MEMO1: variants seen among roughly 807,000 people sequenced by gnomAD.
MEMO1 encodes mediator of cell motility 1, also known as protein MEMO1.
A neutral mutation model predicts 45.2 loss-of-function variants in MEMO1; 6 were observed. The ratio of observed to expected loss-of-function variants is 0.13; its 90% confidence interval spans 0.07 to 0.26. MEMO1 has a LOEUF of 0.26. Ranked by LOEUF, MEMO1 falls within the 10% of genes least tolerant of loss-of-function variation. MEMO1 has a pLI of 1.00. For synonymous variants in MEMO1, 78 were observed against 124.3 expected, an observed-to-expected ratio of 0.63 and a Z score of 2.48; for missense variants, 184 against 370.5, an observed-to-expected ratio of 0.50 and a Z score of 4.13.
intron 2 of MEMO1, among the ~76,000 whole-genome samples, chr2:31,969,574 GGTGTGTGTGTGGGT>G (rs1341187846): frequency 8.1e-5 from 9 of 110,706 alleles, no homozygotes; most frequent in African/African-American, 1.5e-4. Context: ...CTTTTCTGGG[GGTGTGTGTGTGGGT>G]GTGTGTGTGT....
Position 31,974,160 on chromosome 2 carries a change from T to C in MEMO1, c.62-30777A>G, listed in dbSNP as rs17011725. On this transcript the variant is annotated intron_variant, in intron 2 of 9. Coordinates refer to ENST00000404530, the MANE Select transcript of MEMO1 (RefSeq NM_001301833.4). ...ATGGATATTCACAAAACATGCTAAC[T>C]TCCTCTGTAATACAAAAATAGGGGC... is the stretch of plus-strand genomic sequence containing the variant. 9.1e-3 allele frequency among the ~76,000 whole-genome samples: 1,299 copies of C among 142,368 alleles called. 20 individuals are homozygous for C. The highest frequency in any genetic ancestry group is 0.031 in the African/African-American group (1,240 of 40,102). The allele number at this position is 142,368 out of a possible 152,430, so 93.4% of individuals were successfully genotyped here.
At chr2:31,976,016 G>A (rs1203825846) in intron 2 of MEMO1, among the ~76,000 whole-genome samples, 7 of 152,036 alleles carry the variant, frequency 4.6e-5, no homozygotes, top group African/African-American at 2.4e-5. Context: ...TCAGCCTCCC[G>A]AGTAGCTGGG....
intron 2 of MEMO1, among the ~76,000 whole-genome samples, chr2:31,955,357 C>T (rs1667294009): frequency 6.6e-6 from 1 of 152,118 alleles, no homozygotes; most frequent in Admixed American, 6.6e-5. Context: ...TATAAATTAG[C>T]AATAAATAAA....
intron 2 of MEMO1, among the ~76,000 whole-genome samples, chr2:31,996,163 A>AAGGGAGAGAGAGGGAGAGGAG (rs2148571235): frequency 6.6e-6 from 1 of 151,064 alleles, no homozygotes; most frequent in Non-Finnish European, 1.5e-5. Context: ...CGGAGGGAGG[A>AAGGGAGAGAGAGGGAGAGGAG]AGGGAGAGAG....
intron 6 of MEMO1, among the ~76,000 whole-genome samples, chr2:31,908,339 T>C (rs150644737): frequency 6.6e-6 from 1 of 152,248 alleles, no homozygotes; most frequent in East Asian, 1.9e-4. Flanking sequence ...TTCAGGAAAC[T>C]TCAGACTTCC....
At chr2:32,010,340 C>T (rs1239046260) in intron 1 of MEMO1, 76 bp from the exon 2 acceptor site, 13 of 681,812 alleles carry the variant, frequency 1.9e-5, no homozygotes, top group Non-Finnish European at 2.3e-5. Flanking sequence ...CGAGACACCG[C>T]GGGCCCAGCC....
intron 6 of MEMO1, among the ~76,000 whole-genome samples, chr2:31,894,109 T>C (rs1199082124): frequency 6.6e-6 from 1 of 152,114 alleles, no homozygotes; most frequent in Non-Finnish European, 1.5e-5. Context: ...ATTATAAAAC[T>C]AGATAAAAGC....
chr2:31,991,451 A>C (rs1282694719), intron 2 of MEMO1, among the ~76,000 whole-genome samples: 1 of 152,028 alleles, frequency 6.6e-6, no homozygotes, highest in Non-Finnish European at 1.5e-5. Context: ...CATGCCTGTA[A>C]TCCCAGCTAC....
intron 2 of MEMO1, among the ~76,000 whole-genome samples, chr2:31,971,230 T>C (rs953316227): frequency 6.6e-6 from 1 of 152,152 alleles, no homozygotes; most frequent in African/African-American, 2.4e-5. Context: ...ATAGGCACAG[T>C]CACCCAGAAA....
intron 6 of MEMO1, among the ~76,000 whole-genome samples, chr2:31,894,741 G>A (rs1190440996): frequency 6.6e-6 from 1 of 152,268 alleles, no homozygotes; most frequent in Non-Finnish European, 1.5e-5. Context: ...AGGGTCTTAG[G>A]TCTAAGACAA....
At chr2:31,876,172 T>G (rs888146067) in intron 8 of MEMO1, among the ~76,000 whole-genome samples, 2 of 152,198 alleles carry the variant, frequency 1.3e-5, no homozygotes, top group South Asian at 4.1e-4. Context: ...TTCTTACTCT[T>G]ACACACCATA....
chr2:31,874,423 G>A (rs1169284285), intron 8 of MEMO1, among the ~76,000 whole-genome samples: 1 of 151,976 alleles, frequency 6.6e-6, no homozygotes, highest in Admixed American at 6.6e-5. Flanking sequence ...ACTACATTCG[G>A]TAGTTTGTTC....
At chr2:31,902,141 G>T (rs1678935846) in intron 6 of MEMO1, among the ~76,000 whole-genome samples, 1 of 151,882 alleles carries the variant, frequency 6.6e-6, no homozygotes, top group African/African-American at 2.4e-5. Context: ...TTTAGACCAG[G>T]TGTGCTGGCT....
At chr2:31,971,332 C>T (rs1669375181) in intron 2 of MEMO1, among the ~76,000 whole-genome samples, 1 of 152,088 alleles carries the variant, frequency 6.6e-6, no homozygotes, top group Non-Finnish European at 1.5e-5. Flanking sequence ...ACTGCAGTCT[C>T]GACCTCCTGG....
intron 8 of MEMO1, among the ~76,000 whole-genome samples, 165 bp downstream of exon 8, chr2:31,883,221 T>A (rs367568188): frequency 6.6e-6 from 1 of 152,138 alleles, no homozygotes; most frequent in African/African-American, 2.4e-5. Flanking sequence ...CCTACTAGAA[T>A]AGGGATTATT....
intron 2 of MEMO1, among the ~76,000 whole-genome samples, chr2:31,999,070 C>T (rs1672952749): frequency 6.6e-6 from 1 of 152,148 alleles, no homozygotes; most frequent in South Asian, 2.1e-4. Flanking sequence ...TTCTTTCTTT[C>T]GCACTCCATA....
At chr2:31,969,576 T>G (rs1337783289) in intron 2 of MEMO1, among the ~76,000 whole-genome samples, 10 of 103,672 alleles carry the variant, frequency 9.6e-5, no homozygotes, top group South Asian at 3.2e-4. Flanking sequence ...TTTCTGGGGG[T>G]GTGTGTGTGG....
At chr2:31,919,494 T>A (rs1231851278) in intron 5 of MEMO1, among the ~76,000 whole-genome samples, 1 of 151,928 alleles carries the variant, frequency 6.6e-6, no homozygotes, top group African/African-American at 2.4e-5. Context: ...GCAAAATTCT[T>A]TGAAACAATA....
At chr2:31,971,917 C>T (rs1394723601) in intron 2 of MEMO1, among the ~76,000 whole-genome samples, 3 of 152,102 alleles carry the variant, frequency 2.0e-5, no homozygotes, top group African/African-American at 4.8e-5. Flanking sequence ...TTGCAGTGAG[C>T]CAAGATCGTG....
Sources: gnomAD v4.1 joint callset for allele counts (sites outside exome capture counted in the v4.1 genomes callset) on GRCh38, gnomAD v4.1.1 for gene constraint, MANE v1.5 for transcripts, NCBI Gene and HGNC (gene_info 2026-07-23, HGNC 2026-07-21) for gene names.